EDA: variants seen among roughly 807,000 people sequenced by gnomAD.
The protein encoded by EDA is ectodysplasin-A.
In EDA, 2 loss-of-function variants were observed where a neutral mutation model predicts 23.6. That is an observed-to-expected ratio of 0.08 (90% CI 0.03 to 0.27). EDA has a LOEUF of 0.27. Ranked by LOEUF, EDA falls within the 10% of genes least tolerant of loss-of-function variation. The pLI, the probability that EDA is intolerant of heterozygous loss-of-function variation, is 1.00. For missense variants in EDA, 229 were observed against 324.2 expected (o/e 0.71, Z 2.26); for synonymous variants, 131 against 132.0 (o/e 0.99, Z 0.05).
At chrX:70,009,407 A>C (rs2019844608) in intron 2 of EDA, among the ~76,000 whole-genome samples, 1 of 112,103 alleles carries the variant, frequency 8.9e-6, no homozygotes, top group African/African-American at 3.2e-5. Flanking sequence ...ATCCAATACT[A>C]TAAATTTCCC....
chrX:69,826,895 G>A (rs2016455906), intron 1 of EDA, among the ~76,000 whole-genome samples: 2 of 111,801 alleles, frequency 1.8e-5, no homozygotes, highest in Admixed American at 1.9e-4. Context: ...GGCAGGCCTG[G>A]TGGTGACAAA....
intron 1 of EDA, among the ~76,000 whole-genome samples, chrX:69,788,352 G>C (rs1035551196): frequency 3.6e-5 from 4 of 112,271 alleles, no homozygotes; most frequent in Non-Finnish European, 7.5e-5. Context: ...CGTTCCTTTG[G>C]AGGAGGAGAG....
intron 1 of EDA, among the ~76,000 whole-genome samples, chrX:69,847,967 G>T (rs150556023): frequency 0.016 from 1,736 of 111,784 alleles, 31 homozygotes; most frequent in African/African-American, 0.055. Context: ...GGTAATGTAT[G>T]AGAGTGCCAC....
intron 1 of EDA, among the ~76,000 whole-genome samples, chrX:69,872,743 T>G (rs1282470415): frequency 1.8e-5 from 2 of 111,027 alleles, no homozygotes; most frequent in African/African-American, 6.6e-5. Flanking sequence ...GCTCCAAAAT[T>G]TATAAAACAA....
At chrX:69,918,782 TATAA>T (rs1240167268) in intron 1 of EDA, among the ~76,000 whole-genome samples, 1 of 111,220 alleles carries the variant, frequency 9.0e-6, no homozygotes, top group Non-Finnish European at 1.9e-5. Flanking sequence ...TTGGATTCAC[TATAA>T]ATAAATTTAT....
chrX:69,993,414 C>G (rs767911095), intron 2 of EDA, among the ~76,000 whole-genome samples: 5 of 111,532 alleles, frequency 4.5e-5, no homozygotes, highest in Non-Finnish European at 9.4e-5. Flanking sequence ...GTATCAGATA[C>G]TGCTGGTCAA....
intron 1 of EDA, among the ~76,000 whole-genome samples, chrX:69,740,781 A>G (rs1302936789): frequency 9.1e-6 from 1 of 109,668 alleles, no homozygotes; most frequent in Non-Finnish European, 1.9e-5. Flanking sequence ...ACATTTATTC[A>G]GTGTATTTAA....
chrX:69,673,443 G>A (rs1204366358), intron 1 of EDA, among the ~76,000 whole-genome samples: 1 of 111,535 alleles, frequency 9.0e-6, no homozygotes, highest in Non-Finnish European at 1.9e-5. Context: ...ATATGGAATG[G>A]AAGGATGAGG....
intron 1 of EDA, among the ~76,000 whole-genome samples, chrX:69,812,009 A>G (rs1413697666): frequency 8.9e-6 from 1 of 111,949 alleles, no homozygotes; most frequent in African/African-American, 3.3e-5. Flanking sequence ...CAACAAAAAT[A>G]TACTCAGGCT....
At chrX:69,826,367 A>G (rs1330181306) in intron 1 of EDA, among the ~76,000 whole-genome samples, 5 of 109,440 alleles carry the variant, frequency 4.6e-5, no homozygotes, top group South Asian at 4.1e-4. Flanking sequence ...GACTTGCTTT[A>G]TGAATCTGGG....
chrX:70,018,072 G>T (rs2019976875), intron 2 of EDA, among the ~76,000 whole-genome samples: 1 of 111,327 alleles, frequency 9.0e-6, no homozygotes, highest in Admixed American at 9.6e-5. Context: ...CAAGCTGAGA[G>T]CCAAAACAAG....
chrX:69,932,939 CTT>C (rs751812350), intron 1 of EDA, among the ~76,000 whole-genome samples: 1 of 102,082 alleles, frequency 9.8e-6, no homozygotes. Context: ...AGTTCCTCTT[CTT>C]TTTTTTTTTG....
intron 1 of EDA, among the ~76,000 whole-genome samples, chrX:69,681,015 TG>T (rs1190602925): frequency 1.5e-3 from 164 of 109,150 alleles, no homozygotes; most frequent in African/African-American, 5.3e-3. Context: ...AGGGCAGGCC[TG>T]GTGGTGACAA....
intron 1 of EDA, among the ~76,000 whole-genome samples, chrX:69,634,288 C>T (rs1420356630): frequency 2.7e-5 from 3 of 111,293 alleles, no homozygotes; most frequent in African/African-American, 9.8e-5. Context: ...CAAATATTTT[C>T]TCCCATTCTA....
intron 1 of EDA, among the ~76,000 whole-genome samples, chrX:69,856,619 T>A (rs1348406166): frequency 9.0e-6 from 1 of 111,542 alleles, no homozygotes; most frequent in Non-Finnish European, 1.9e-5. Flanking sequence ...TAATTTGTGA[T>A]GTTGAGCATT....
At chrX:69,768,580 C>T (rs2014538158) in intron 1 of EDA, among the ~76,000 whole-genome samples, 1 of 111,481 alleles carries the variant, frequency 9.0e-6, no homozygotes, top group Non-Finnish European at 1.9e-5. Context: ...CAATAATATA[C>T]TGTCTTGATT....
chrX:69,623,573 T>G (rs1932268370), intron 1 of EDA, among the ~76,000 whole-genome samples: 1 of 111,595 alleles, frequency 9.0e-6, no homozygotes, highest in Non-Finnish European at 1.9e-5. Flanking sequence ...ATTTTAGACA[T>G]TTTCTCAGCA....
chrX:69,969,480 T>C (rs1233064407), intron 2 of EDA, among the ~76,000 whole-genome samples: 1 of 111,988 alleles, frequency 8.9e-6, no homozygotes, highest in Non-Finnish European at 1.9e-5. Flanking sequence ...AAAGTATGAA[T>C]TGTATACTTC....
intron 1 of EDA, among the ~76,000 whole-genome samples, chrX:69,808,413 A>G (rs966155635): frequency 9.0e-6 from 1 of 111,439 alleles, no homozygotes; most frequent in Non-Finnish European, 1.9e-5. Context: ...TAGGAAGCTC[A>G]CCTAAGCTTT....
Sources: allele counts gnomAD v4.1 joint callset (sites outside exome capture counted in the v4.1 genomes callset), GRCh38; gene constraint gnomAD v4.1.1; transcripts MANE v1.5; gene names NCBI Gene and HGNC (gene_info 2026-07-23, HGNC 2026-07-21).